Variants in GABRG3 observed in about 807,000 individuals in gnomAD.
The protein encoded by GABRG3 is gamma-aminobutyric acid type A receptor subunit gamma3.
Under a neutral mutation model 48.8 loss-of-function variants are expected in GABRG3, and 25 were observed. That is an observed-to-expected ratio of 0.51 (90% CI 0.37 to 0.72). The LOEUF (loss-of-function observed/expected upper bound fraction) is 0.72. GABRG3 is among the 30% of genes least tolerant of loss of function. The pLI, the probability that GABRG3 is intolerant of heterozygous loss-of-function variation, is 0.00. For synonymous variants in GABRG3, 227 were observed against 217.6 expected, an observed-to-expected ratio of 1.04 and a Z score of -0.38; for missense variants, 394 against 577.9, an observed-to-expected ratio of 0.68 and a Z score of 3.26.
chr15:27,495,818 C>T (rs1162303604), intron 6 of GABRG3, among the ~76,000 whole-genome samples: 1 of 152,200 alleles, frequency 6.6e-6, no homozygotes, highest in East Asian at 1.9e-4. Context: ...CTTTGTCACC[C>T]TGGTATTGGC....
At chr15:27,450,388 GGGCTCCAAGGAT>G (rs977391571) in intron 5 of GABRG3, among the ~76,000 whole-genome samples, 3 of 152,102 alleles carry the variant, frequency 2.0e-5, no homozygotes, top group Admixed American at 1.3e-4. Context: ...ACTTATCCCA[GGGCTCCAAGGAT>G]GGTTCAGTAC....
chr15:27,235,968 T>A (rs531750254), intron 3 of GABRG3, among the ~76,000 whole-genome samples: 1 of 152,184 alleles, frequency 6.6e-6, no homozygotes, highest in African/African-American at 2.4e-5. Flanking sequence ...CTAATGGTTT[T>A]TCTTGATAGA....
At chr15:27,506,189 C>T (rs1165787011) in intron 6 of GABRG3, among the ~76,000 whole-genome samples, 2 of 152,164 alleles carry the variant, frequency 1.3e-5, no homozygotes, top group Non-Finnish European at 2.9e-5. Context: ...AAATGGCCTC[C>T]AGGATTTCCC....
intron 6 of GABRG3, among the ~76,000 whole-genome samples, chr15:27,504,328 T>C (rs1890713232): frequency 1.3e-5 from 2 of 152,150 alleles, no homozygotes; most frequent in Non-Finnish European, 2.9e-5. Context: ...TTGAACATAT[T>C]TTATGATGCC....
intron 5 of GABRG3, among the ~76,000 whole-genome samples, chr15:27,408,169 T>A (rs567197669): frequency 1.3e-5 from 2 of 152,160 alleles, no homozygotes; most frequent in Admixed American, 6.5e-5. Flanking sequence ...CTCACACCAG[T>A]GGTTCTATAA....
chr15:26,973,572 C>G (rs1211268915), intron 1 of GABRG3, among the ~76,000 whole-genome samples: 1 of 152,106 alleles, frequency 6.6e-6, no homozygotes. Flanking sequence ...TGTGGAAGTT[C>G]CTTGGATAAG....
In GABRG3 at chr15:26,973,052, C is replaced by T. The variant is rs573602469; in HGVS notation, c.53+1464C>T. 2.0e-5 allele frequency among the ~76,000 whole-genome samples: 3 copies of T among 152,314 alleles called. No homozygotes were observed. The South Asian group carries it at 6.2e-4, about 32-fold the overall frequency. ...GGGAGGCAGACAGCACCGGGCATAA[C>T]GCTGAGGCCGGCAGTCACATCTCTG... On this transcript the variant is annotated intron_variant, in intron 1 of 9. Coordinates refer to ENST00000615808, the MANE Select transcript of GABRG3 (RefSeq NM_033223.5).
At chr15:27,470,447 G>T (rs1472479347) in intron 5 of GABRG3, among the ~76,000 whole-genome samples, 1 of 151,522 alleles carries the variant, frequency 6.6e-6, no homozygotes, top group Non-Finnish European at 1.5e-5. Context: ...TGGCTATGCT[G>T]GTCTCGAACT....
rs879197173 is a variant in GABRG3, at chr15:27,319,072, A to C, written c.271-7737A>C. 6.6e-6 allele frequency among the ~76,000 whole-genome samples: 1 copy of C among 152,226 alleles called. No individual in the cohort carries two copies. The highest frequency in any genetic ancestry group is 1.5e-5 in the Non-Finnish European group (1 of 68,036). ...CATAAATGTTCTCACCACCATAAAA[A>C]AATAAAAGGCAACTGTGAGGTGATG... On this transcript the variant is annotated intron_variant, in intron 3 of 9. Coordinates refer to ENST00000615808, the MANE Select transcript of GABRG3 (RefSeq NM_033223.5). The surrounding 1 kb of genome is among the most constrained non-coding windows in gnomAD (Gnocchi z 4.4).
At chr15:27,057,045 A>T (rs1042678087) in intron 3 of GABRG3, among the ~76,000 whole-genome samples, 1 of 152,178 alleles carries the variant, frequency 6.6e-6, no homozygotes, top group African/African-American at 2.4e-5. Flanking sequence ...TGGAGTAAAC[A>T]TTGCTCTCAT....
At chr15:27,403,530 T>C (rs2140589910) in intron 5 of GABRG3, among the ~76,000 whole-genome samples, 1 of 152,250 alleles carries the variant, frequency 6.6e-6, no homozygotes, top group Non-Finnish European at 1.5e-5. Context: ...AAACACTAAT[T>C]TCCTTCCAAG....
At chr15:27,344,826 A>G (rs1449899799) in intron 5 of GABRG3, among the ~76,000 whole-genome samples, 2 of 152,088 alleles carry the variant, frequency 1.3e-5, no homozygotes, top group African/African-American at 4.8e-5. Context: ...ATATATATAT[A>G]TATTTCTCTT....
chr15:27,172,450 C>T (rs1887604493), intron 3 of GABRG3, among the ~76,000 whole-genome samples: 1 of 152,114 alleles, frequency 6.6e-6, no homozygotes, highest in Admixed American at 6.5e-5. Context: ...TTTCTTTCTC[C>T]CTTGGCTCTG....
chr15:27,027,602 C>G (rs915046901), intron 3 of GABRG3, among the ~76,000 whole-genome samples: 1 of 152,152 alleles, frequency 6.6e-6, no homozygotes, highest in Non-Finnish European at 1.5e-5. Flanking sequence ...AAAATCGTTT[C>G]TTTTCATTGC....
intron 3 of GABRG3, among the ~76,000 whole-genome samples, chr15:27,249,219 G>A (rs972100009): frequency 2.4e-4 from 36 of 152,212 alleles, no homozygotes; most frequent in Middle Eastern, 3.4e-3. Context: ...GTGGCGCTCC[G>A]GGGAGGCTGC....
At chr15:27,332,453 G>T (rs1893834341) in intron 5 of GABRG3, among the ~76,000 whole-genome samples, 2 of 152,122 alleles carry the variant, frequency 1.3e-5, no homozygotes, top group African/African-American at 4.8e-5. Context: ...AGAATCGCTT[G>T]AACCCGGGAG....
At chr15:27,504,825 A>G (rs1890725599) in intron 6 of GABRG3, among the ~76,000 whole-genome samples, 1 of 152,132 alleles carries the variant, frequency 6.6e-6, no homozygotes, top group Non-Finnish European at 1.5e-5. Context: ...CTTTGAACAT[A>G]TATTTGCTGA....
intron 3 of GABRG3, among the ~76,000 whole-genome samples, chr15:27,214,787 T>C (rs180671936): frequency 5.3e-5 from 8 of 152,018 alleles, no homozygotes; most frequent in Admixed American, 1.3e-4. Context: ...TTGCAGGGTA[T>C]TGAGTATTTG....
At chr15:27,201,396 CAGAG>C (rs144671063) in intron 3 of GABRG3, among the ~76,000 whole-genome samples, 45 of 145,744 alleles carry the variant, frequency 3.1e-4, no homozygotes, top group Admixed American at 2.4e-3. Context: ...GAGAGAACCA[CAGAG>C]AGAGAGAGAA....
Sources: gnomAD v4.1 joint callset for allele counts (sites outside exome capture counted in the v4.1 genomes callset) on GRCh38, gnomAD v4.1.1 for gene constraint, Gnocchi (gnomAD v3.1) non-coding constraint, MANE v1.5 for transcripts, NCBI Gene and HGNC (gene_info 2026-07-23, HGNC 2026-07-21) for gene names.